STK3: variants seen among roughly 807,000 people sequenced by gnomAD.
STK3 encodes the protein serine/threonine kinase 3.
STK3 carries 41 observed loss-of-function variants against 58.0 expected under a neutral mutation model. That is an observed-to-expected ratio of 0.71 (90% CI 0.55 to 0.92). STK3 has a LOEUF of 0.92. Among genes scored for constraint, STK3 ranks in the 40% least tolerant of loss-of-function variants. The pLI, the probability that STK3 is intolerant of heterozygous loss-of-function variation, is 0.00. For synonymous variants in STK3, 170 were observed against 191.0 expected (o/e 0.89, Z 0.91); for missense variants, 479 against 602.7 (o/e 0.79, Z 2.15).
intron 10 of STK3, among the ~76,000 whole-genome samples, chr8:98,458,350 T>A (rs1819670305): frequency 6.6e-6 from 1 of 152,228 alleles, no homozygotes; most frequent in Non-Finnish European, 1.5e-5. Context: ...ATGATTTCTT[T>A]CAACAGTGTT....
intron 7 of STK3, among the ~76,000 whole-genome samples, chr8:98,585,612 G>C (rs1474780603): frequency 6.7e-6 from 1 of 149,704 alleles, no homozygotes; most frequent in Non-Finnish European, 1.5e-5. Context: ...CTTTAAAGTA[G>C]TTTTTTCCAA....
chr8:98,891,633 G>A (rs1746269351), intron 1 of STK3, among the ~76,000 whole-genome samples: 1 of 151,684 alleles, frequency 6.6e-6, no homozygotes, highest in East Asian at 1.9e-4. Context: ...GTGTGAGAGA[G>A]AGAGAGAGAG....
At chr8:98,489,524 A>G (rs1822531328) in intron 10 of STK3, among the ~76,000 whole-genome samples, 1 of 152,174 alleles carries the variant, frequency 6.6e-6, no homozygotes, top group South Asian at 2.1e-4. Context: ...TTACTATTAT[A>G]TAGTAAAAAG....
chr8:98,399,859 T>G (rs979175240), downstream of STK3, among the ~76,000 whole-genome samples: 13 of 152,216 alleles, frequency 8.5e-5, no homozygotes, highest in Admixed American at 3.3e-4. Flanking sequence ...AAAGGAGAGA[T>G]GACCACGTGC....
Position 98,825,604 on chromosome 8 carries a change from G to T in STK3, c.-64C>A. 7.3e-7 allele frequency: 1 copy of T among 1,373,584 alleles called. No individual in the cohort carries two copies. The highest frequency in any genetic ancestry group is 1.6e-5 in the South Asian group (1 of 63,516). The allele number at this position is 1,373,584 out of a possible 1,614,324, so 85.1% of individuals were successfully genotyped here. A position where few individuals can be genotyped will look rare whatever the true frequency, so the allele number is the denominator to read the frequency against. ...AAGGCCGAAAGGAGGAAAGGAGCCG[G>T]GGCACCGGCCGGCCGAGCCTAGGGC... On this transcript the variant is annotated 5_prime_UTR_variant, in exon 1 of 11. Transcript: ENST00000419617.
At chr8:98,683,159 T>C (rs917437288) in intron 6 of STK3, among the ~76,000 whole-genome samples, 1 of 151,900 alleles carries the variant, frequency 6.6e-6, no homozygotes, top group African/African-American at 2.4e-5. Context: ...GAACAGGAAC[T>C]AAAGTGCCAA....
chr8:98,935,421 T>A (rs1388458086), intron 1 of STK3, among the ~76,000 whole-genome samples: 1 of 152,250 alleles, frequency 6.6e-6, no homozygotes, highest in African/African-American at 2.4e-5. Flanking sequence ...AGCTCAATTG[T>A]ATTTTAATAC....
chr8:98,502,223 T>C (rs550727278), intron 10 of STK3, among the ~76,000 whole-genome samples: 2 of 151,908 alleles, frequency 1.3e-5, no homozygotes, highest in African/African-American at 2.4e-5. Flanking sequence ...TATTGGTGTA[T>C]AGGAATGCTT....
At chr8:98,348,820 T>C in the STK3 span, among the ~76,000 whole-genome samples, 1 of 152,344 alleles carries the variant, frequency 6.6e-6, no homozygotes, top group Non-Finnish European at 1.5e-5. Context: ...TGTAAAATGG[T>C]ACAGTCACTT....
chr8:98,848,243 T>A (rs1322754263), intron 3 of STK3, among the ~76,000 whole-genome samples: 1 of 150,402 alleles, frequency 6.6e-6, no homozygotes, highest in African/African-American at 2.4e-5. Flanking sequence ...ACTAATCTAC[T>A]TTTTTTTTCT....
downstream of STK3, among the ~76,000 whole-genome samples, chr8:98,398,582 C>G (rs1817915299): frequency 1.3e-5 from 2 of 152,316 alleles, no homozygotes; most frequent in South Asian, 4.1e-4. Flanking sequence ...CCTCGCCGCT[C>G]TTAGTCCTAG....
chr8:98,589,662 C>T (rs1295054412), intron 7 of STK3, among the ~76,000 whole-genome samples: 1 of 152,258 alleles, frequency 6.6e-6, no homozygotes, highest in Non-Finnish European at 1.5e-5. Context: ...TCTACTTAAG[C>T]AAGCCTGGGC....
intron 6 of STK3, among the ~76,000 whole-genome samples, chr8:98,674,258 T>C (rs1226625127): frequency 2.0e-5 from 3 of 152,144 alleles, no homozygotes; most frequent in African/African-American, 7.2e-5. Flanking sequence ...ATTTTGTAAA[T>C]TTAACCCCAC....
At chr8:98,344,668 C>A in the STK3 span, among the ~76,000 whole-genome samples, 1 of 151,876 alleles carries the variant, frequency 6.6e-6, no homozygotes, top group South Asian at 2.1e-4. Flanking sequence ...CCGAGGCGGG[C>A]GGATCACGAG....
chr8:98,600,779 T>C (rs1816278420), intron 6 of STK3, among the ~76,000 whole-genome samples: 1 of 152,038 alleles, frequency 6.6e-6, no homozygotes, highest in Non-Finnish European at 1.5e-5. Flanking sequence ...ATGAATAACA[T>C]AAAGTAACAT....
intron 1 of STK3, among the ~76,000 whole-genome samples, chr8:98,900,977 T>C (rs771114631): frequency 2.6e-5 from 4 of 152,232 alleles, no homozygotes; most frequent in Non-Finnish European, 5.9e-5. Context: ...TTTTATATTA[T>C]ATTTTTTCAC....
chr8:98,389,035 G>C (rs1048717257), upstream of STK3, among the ~76,000 whole-genome samples: 3 of 152,158 alleles, frequency 2.0e-5, no homozygotes, highest in African/African-American at 7.2e-5. Flanking sequence ...GAATATGAGA[G>C]CACTTTATAA....
chr8:98,899,553 T>C (rs1040785335), intron 1 of STK3, among the ~76,000 whole-genome samples: 1 of 152,180 alleles, frequency 6.6e-6, no homozygotes, highest in Non-Finnish European at 1.5e-5. Flanking sequence ...ATTTAAAGTA[T>C]GGGAAGATAT....
Position 98,542,668 on chromosome 8 carries a change from C to T in STK3, c.1141+5301G>A, listed in dbSNP as rs559393780. Among the ~76,000 whole-genome samples, 13 of 152,214 alleles carry T rather than the reference C, an allele frequency of 8.5e-5. No homozygotes were observed. In the East Asian group the frequency reaches 1.4e-3, roughly 16 times the overall value. ...AGGGCTGACAATGCCCAGGGCTTCCCGGATGCTCCCTCTTATCAAGTTGTT... is the reference window on the plus strand; with the variant it reads ...AGGGCTGACAATGCCCAGGGCTTCCTGGATGCTCCCTCTTATCAAGTTGTT... On this transcript the variant is annotated intron_variant, in intron 9 of 10. Transcript: ENST00000419617.
Sources: allele counts gnomAD v4.1 joint callset (sites outside exome capture counted in the v4.1 genomes callset), GRCh38; gene constraint gnomAD v4.1.1; transcripts MANE v1.5; gene names NCBI Gene and HGNC (gene_info 2026-07-23, HGNC 2026-07-21).